EPHA6: variants seen among roughly 807,000 people sequenced by gnomAD.
EPHA6 encodes the protein EPH receptor A6, also known as ephrin type-A receptor 6.
In EPHA6, 50 loss-of-function variants were observed where a neutral mutation model predicts 112.0. The observed-to-expected ratio is 0.45, with a 90% CI of 0.36 to 0.56. The LOEUF is 0.56. Ranked by LOEUF, EPHA6 falls within the 20% of genes least tolerant of loss-of-function variation. The pLI, the probability that EPHA6 is intolerant of heterozygous loss-of-function variation, is 0.00. For synonymous variants in EPHA6, 529 were observed against 490.7 expected (o/e 1.08, Z -1.03); for missense variants, 1,280 against 1,417.4 (o/e 0.90, Z 1.56).
At chr3:97,737,395 G>A (rs2035307028) in intron 16 of EPHA6, among the ~76,000 whole-genome samples, 1 of 151,950 alleles carries the variant, frequency 6.6e-6, no homozygotes, top group African/African-American at 2.4e-5. Flanking sequence ...CTTCTGAAAT[G>A]GGAATGAGGT....
chr3:97,410,119 G>A (rs2087615770), intron 6 of EPHA6, among the ~76,000 whole-genome samples: 1 of 152,016 alleles, frequency 6.6e-6, no homozygotes, highest in South Asian at 2.1e-4. Context: ...TGAAGTCTTA[G>A]TGTCTTTTCT....
intron 14 of EPHA6, among the ~76,000 whole-genome samples, chr3:97,714,194 GA>G (rs1324695113): frequency 6.6e-6 from 1 of 152,178 alleles, no homozygotes; most frequent in Non-Finnish European, 1.5e-5. Context: ...TCCAAAAAAA[GA>G]CAAACTTTGG....
chr3:96,925,018 T>G (rs925995828), intron 2 of EPHA6, among the ~76,000 whole-genome samples: 1 of 152,270 alleles, frequency 6.6e-6, no homozygotes, highest in Non-Finnish European at 1.5e-5. Context: ...TGTTTTGATG[T>G]GCTGGTTTGG....
At chr3:97,014,934 G>T (rs2044214686) in intron 3 of EPHA6, among the ~76,000 whole-genome samples, 2 of 152,072 alleles carry the variant, frequency 1.3e-5, no homozygotes, top group Non-Finnish European at 2.9e-5. Flanking sequence ...GCATATCAAG[G>T]TTTGTCTTCT....
intron 3 of EPHA6, among the ~76,000 whole-genome samples, chr3:97,196,668 G>T (rs1267279167): frequency 1.3e-5 from 2 of 151,298 alleles, no homozygotes; most frequent in Non-Finnish European, 2.9e-5. Flanking sequence ...ATCTGTCTTT[G>T]GTACTGCAGC....
chr3:97,348,131 G>A (rs373795637), intron 5 of EPHA6, among the ~76,000 whole-genome samples: 3 of 151,994 alleles, frequency 2.0e-5, no homozygotes, highest in Non-Finnish European at 2.9e-5. Flanking sequence ...GTGTGAAAAC[G>A]ACTGCAGGGA....
intron 2 of EPHA6, among the ~76,000 whole-genome samples, chr3:96,875,660 C>T (rs1161962585): frequency 6.6e-6 from 1 of 150,732 alleles, no homozygotes; most frequent in African/African-American, 2.4e-5. Context: ...ATTCATTTTT[C>T]AGTATCCCCA....
intron 12 of EPHA6, among the ~76,000 whole-genome samples, chr3:97,598,420 C>G (rs2093613206): frequency 8.7e-6 from 1 of 114,966 alleles, no homozygotes. Context: ...CCCCCCTCCC[C>G]CCACCCCACC....
At chr3:97,110,713 G>A (rs2047696928) in intron 3 of EPHA6, among the ~76,000 whole-genome samples, 2 of 151,710 alleles carry the variant, frequency 1.3e-5, no homozygotes, top group South Asian at 4.2e-4. Flanking sequence ...TTTTTTAGTA[G>A]AGATGGGATT....
intron 3 of EPHA6, among the ~76,000 whole-genome samples, chr3:96,995,692 G>T (rs1452703611): frequency 6.6e-6 from 1 of 152,110 alleles, no homozygotes; most frequent in East Asian, 1.9e-4. Context: ...CACTATTATT[G>T]TCTATTAGGT....
intron 5 of EPHA6, among the ~76,000 whole-genome samples, chr3:97,329,324 A>G (rs1242062508): frequency 3.3e-5 from 5 of 150,554 alleles, no homozygotes; most frequent in African/African-American, 7.4e-5. Flanking sequence ...TCCTTTGGGT[A>G]TATACCCAGT....
At chr3:97,127,013 C>G (rs1272249379) in intron 3 of EPHA6, among the ~76,000 whole-genome samples, 3 of 151,796 alleles carry the variant, frequency 2.0e-5, no homozygotes, top group Non-Finnish European at 4.4e-5. Context: ...CTTTTTCTCA[C>G]CCATCCTAGA....
At chr3:96,816,301 T>C (rs2032778302) in intron 1 of EPHA6, among the ~76,000 whole-genome samples, 1 of 152,178 alleles carries the variant, frequency 6.6e-6, no homozygotes, top group African/African-American at 2.4e-5. Flanking sequence ...TGTAGGTGAA[T>C]TTGGAAACCA....
chr3:97,404,362 A>G (rs2087197715), intron 5 of EPHA6, among the ~76,000 whole-genome samples: 1 of 152,126 alleles, frequency 6.6e-6, no homozygotes, highest in African/African-American at 2.4e-5. Context: ...GAAATGGCGT[A>G]TCAATGTGTT....
At chr3:97,062,714 T>TTGGTTCTCATTCTCTCTTGCC (rs2046060534) in intron 3 of EPHA6, among the ~76,000 whole-genome samples, 1 of 152,200 alleles carries the variant, frequency 6.6e-6, no homozygotes, top group Non-Finnish European at 1.5e-5. Context: ...CCCCTCTTGC[T>TTGGTTCTCATTCTCTCTTGCC]TGGTTCTCAT....
At chr3:97,247,371 T>A (rs529818065) in intron 5 of EPHA6, among the ~76,000 whole-genome samples, 22 of 152,108 alleles carry the variant, frequency 1.4e-4, no homozygotes, top group African/African-American at 5.3e-4. Flanking sequence ...AGGCAGTTAA[T>A]AAGCAGGTAA....
chr3:97,600,854 A>T (rs1045642195), intron 12 of EPHA6, among the ~76,000 whole-genome samples: 1 of 151,890 alleles, frequency 6.6e-6, no homozygotes, highest in East Asian at 1.9e-4. Context: ...CTTGAGCATT[A>T]CAAAGAGAAT....
At chr3:96,956,485 G>A (rs1279898600) in intron 2 of EPHA6, among the ~76,000 whole-genome samples, 2 of 151,990 alleles carry the variant, frequency 1.3e-5, no homozygotes, top group African/African-American at 2.4e-5. Flanking sequence ...GGACTCAGCT[G>A]GTATTTTCAT....
At chr3:97,598,901 A>G (rs1449277916) in intron 12 of EPHA6, among the ~76,000 whole-genome samples, 1 of 150,326 alleles carries the variant, frequency 6.7e-6, no homozygotes, top group South Asian at 2.1e-4. Flanking sequence ...AAGTGTTCCT[A>G]TTTCTCCACA....
Sources: gnomAD v4.1 joint callset for allele counts (sites outside exome capture counted in the v4.1 genomes callset) on GRCh38, gnomAD v4.1.1 for gene constraint, MANE v1.5 for transcripts, NCBI Gene and HGNC (gene_info 2026-07-23, HGNC 2026-07-21) for gene names.